VRK2: variants seen among roughly 807,000 people sequenced by gnomAD.
VRK2 encodes the protein VRK serine/threonine kinase 2.
Under a neutral mutation model 57.6 loss-of-function variants are expected in VRK2, and 60 were observed. The ratio of observed to expected loss-of-function variants is 1.04; its 90% CI spans 0.85 to 1.29. VRK2 has a LOEUF of 1.29. Among genes scored for constraint, VRK2 ranks in the 50% most tolerant of loss-of-function variants. VRK2 has a pLI of 0.00. For missense variants in VRK2, 705 were observed against 588.1 expected (o/e 1.20, Z -2.06); for synonymous variants, 231 against 199.2 (o/e 1.16, Z -1.35).
chr2:57,964,509 G>T, intron 1 of VRK2, among the ~76,000 whole-genome samples: 1 of 151,748 alleles, frequency 6.6e-6, no homozygotes, highest in South Asian at 2.1e-4. Flanking sequence ...AATTTGTATT[G>T]AAAAAAAATC....
At chr2:58,147,211 G>C (rs768930152) in intron 12 of VRK2, 1 of 517,552 alleles carries the variant, frequency 1.9e-6, no homozygotes, top group African/African-American at 1.9e-5. Flanking sequence ...ATTTGGCTCT[G>C]AACTTCTTGA....
intron 1 of VRK2, among the ~76,000 whole-genome samples, chr2:58,012,459 T>G (rs1299691761): frequency 6.6e-6 from 1 of 152,242 alleles, no homozygotes; most frequent in Non-Finnish European, 1.5e-5. Flanking sequence ...TCTAACATTA[T>G]TGTTCAAGAG....
intron 2 of VRK2, among the ~76,000 whole-genome samples, chr2:58,067,027 C>T (rs1475822969): frequency 6.6e-6 from 1 of 152,174 alleles, no homozygotes; most frequent in Non-Finnish European, 1.5e-5. Flanking sequence ...ACAAAGCATG[C>T]AGAAGAAGGT....
intron 1 of VRK2, chr2:58,047,199 G>A (rs1170081352): frequency 1.6e-5 from 4 of 250,724 alleles, no homozygotes; most frequent in South Asian, 1.5e-4. Flanking sequence ...GGGGTTGGCC[G>A]TAGGTCCCCG....
chr2:58,004,059 G>T (rs1378185105), intron 1 of VRK2, among the ~76,000 whole-genome samples: 2 of 151,940 alleles, frequency 1.3e-5, no homozygotes, highest in African/African-American at 2.4e-5. Flanking sequence ...AATAGTTTTT[G>T]ACTCTTTCTC....
chr2:57,992,622 C>T (rs1270537926), intron 1 of VRK2, among the ~76,000 whole-genome samples: 1 of 152,096 alleles, frequency 6.6e-6, no homozygotes, highest in Non-Finnish European at 1.5e-5. Context: ...CTGCAAGCTC[C>T]GCTTCCCGGG....
intron 7 of VRK2, among the ~76,000 whole-genome samples, chr2:58,116,706 A>C (rs921859003): frequency 3.3e-5 from 5 of 152,118 alleles, no homozygotes; most frequent in African/African-American, 1.2e-4. Flanking sequence ...GCCAAGAAGG[A>C]GTCAGTCAGA....
At chr2:58,069,882 C>T (rs934292581) in intron 2 of VRK2, among the ~76,000 whole-genome samples, 24 of 152,006 alleles carry the variant, frequency 1.6e-4, no homozygotes, top group African/African-American at 4.4e-4. Context: ...GAGTTCTGAC[C>T]GAAGGATACC....
chr2:58,025,008 G>C (rs1237795515), intron 1 of VRK2, among the ~76,000 whole-genome samples: 1 of 152,170 alleles, frequency 6.6e-6, no homozygotes, highest in African/African-American at 2.4e-5. Context: ...ATGTGATAAG[G>C]CTTCTCTTGT....
chr2:57,923,636 T>A (rs1670431252), intron 1 of VRK2, among the ~76,000 whole-genome samples: 1 of 152,096 alleles, frequency 6.6e-6, no homozygotes, highest in Non-Finnish European at 1.5e-5. Context: ...ATTAATCTCT[T>A]GTCAGATGCA....
chr2:57,954,558 T>C (rs1323129491), intron 1 of VRK2, among the ~76,000 whole-genome samples: 1 of 152,118 alleles, frequency 6.6e-6, no homozygotes, highest in Admixed American at 6.6e-5. Context: ...TTACATCTTT[T>C]AGGAAATAAA....
chr2:58,136,416 G>T (rs947355022), intron 10 of VRK2, among the ~76,000 whole-genome samples: 1 of 148,298 alleles, frequency 6.7e-6, no homozygotes, highest in Non-Finnish European at 1.5e-5. Flanking sequence ...ACAGAGTCTC[G>T]CTCTGTCACC....
At position 57,983,215 on chromosome 2, in the gene VRK2, T is replaced by C. The variant is rs139518385; in HGVS notation, c.-438-42450T>C. On this transcript the variant is annotated intron_variant, in intron 1 of 15. Transcript: ENST00000417641. ...TCGTGGGTGAAGCTCTTCCTGGCTGTATCTAGTCAGCCATCTTGGCTCTCT... is the reference window on the plus strand; with the variant it reads ...TCGTGGGTGAAGCTCTTCCTGGCTGCATCTAGTCAGCCATCTTGGCTCTCT... Among the ~76,000 whole-genome samples, 777 of 152,286 alleles carry C rather than the reference T, an allele frequency of 5.1e-3. 5 individuals carry two copies. Among genetic ancestry groups the C allele is most frequent in the African/African-American group, 0.018 (743 of 41,568 alleles).
rs190810193 is a variant in VRK2 at position 58,143,514 on chromosome 2, G to A, written c.1024-2802G>A. On this transcript the variant is annotated intron_variant, in intron 11 of 12. Coordinates refer to ENST00000340157, the MANE Select transcript of VRK2 (RefSeq NM_006296.7). ...AGCTAGAAGTGCCCACGGCAGTGCAGCCTAACCATTCAGCCAACTAAAAGC... is the reference window on the plus strand; with the variant it reads ...AGCTAGAAGTGCCCACGGCAGTGCAACCTAACCATTCAGCCAACTAAAAGC... Among the ~76,000 whole-genome samples the A allele has an allele frequency of 2.4e-4, 37 of 152,002 alleles. No individual in the cohort carries two copies. The East Asian group carries it at 5.6e-3, about 23-fold the overall frequency.
chr2:58,043,563 T>A (rs1035273710), upstream of VRK2, among the ~76,000 whole-genome samples: 1 of 152,220 alleles, frequency 6.6e-6, no homozygotes, highest in African/African-American at 2.4e-5. Context: ...GTTGACTGTA[T>A]TGGTGCTTTG....
At chr2:58,100,496 A>G (rs569513404) in intron 7 of VRK2, among the ~76,000 whole-genome samples, 124 of 151,980 alleles carry the variant, frequency 8.2e-4, no homozygotes, top group African/African-American at 2.9e-3. Flanking sequence ...ATTATAGTAT[A>G]GATTAACATG....
chr2:58,013,101 T>C (rs1320009095), intron 1 of VRK2, among the ~76,000 whole-genome samples: 3 of 152,216 alleles, frequency 2.0e-5, no homozygotes, highest in Non-Finnish European at 4.4e-5. Context: ...ATTCCAGTTT[T>C]AGGTGAATAA....
At chr2:58,100,087 A>G (rs1442798467) in intron 7 of VRK2, among the ~76,000 whole-genome samples, 2 of 152,008 alleles carry the variant, frequency 1.3e-5, no homozygotes, top group African/African-American at 4.8e-5. Context: ...TCTGGTGGCA[A>G]AATACTTACT....
chr2:57,987,235 G>GA (rs886582584), intron 1 of VRK2, among the ~76,000 whole-genome samples: 12 of 151,702 alleles, frequency 7.9e-5, no homozygotes, highest in African/African-American at 2.9e-4. Context: ...CACAAACCAA[G>GA]AAAAAAATCT....
Sources: gnomAD v4.1 joint callset for allele counts (sites outside exome capture counted in the v4.1 genomes callset) on GRCh38, gnomAD v4.1.1 for gene constraint, MANE v1.5 for transcripts, NCBI Gene and HGNC (gene_info 2026-07-23, HGNC 2026-07-21) for gene names.